Variants in GALNT18 observed in about 807,000 individuals in gnomAD.
GALNT18 encodes polypeptide N-acetylgalactosaminyltransferase 18, also known as GalNAc-transferase 18.
In GALNT18, 44 loss-of-function variants were observed where a neutral mutation model predicts 69.5. That is an observed-to-expected ratio of 0.63 (90% CI 0.50 to 0.81). The LOEUF (loss-of-function observed/expected upper bound fraction) is 0.81, where lower values mean the gene tolerates loss of function less well. GALNT18 is among the 40% of genes least tolerant of loss of function. The probability of loss-of-function intolerance (pLI) is 0.00; values close to 1 mark genes in which losing one functional copy is unlikely to be tolerated. For missense variants in GALNT18, 715 were observed against 810.0 expected, an observed-to-expected ratio of 0.88 and a Z score of 1.42; for synonymous variants, 364 against 318.2, an observed-to-expected ratio of 1.14 and a Z score of -1.53.
rs1185870075 is a variant in GALNT18 at position 11,402,539 on chromosome 11, G to T, written c.596-23275C>A. On this transcript the variant is annotated intron_variant, in intron 3 of 10. Transcript: ENST00000227756. The surrounding 1 kb of genome is among the most constrained non-coding windows in gnomAD (Gnocchi z 4.0). ...AGGTGTCCATAGGCCTCTGCTCAGG[G>T]CATGGAGTTATGTGACACTGAGGAC... Among the ~76,000 whole-genome samples the T allele has an allele frequency of 6.6e-6, 1 of 152,226 alleles. No individual in the cohort carries two copies. Among genetic ancestry groups the T allele is most frequent in the African/African-American group, 2.4e-5 (1 of 41,462 alleles).
At chr11:11,581,350 T>A (rs1859079042) in intron 1 of GALNT18, among the ~76,000 whole-genome samples, 1 of 152,180 alleles carries the variant, frequency 6.6e-6, no homozygotes, top group Admixed American at 6.5e-5. Context: ...ACACAAAGAC[T>A]CTAAACAGAG....
chr11:11,298,857 G>C (rs1849444720), intron 9 of GALNT18, among the ~76,000 whole-genome samples: 1 of 152,198 alleles, frequency 6.6e-6, no homozygotes, highest in Non-Finnish European at 1.5e-5. Context: ...TGTCCAGGAG[G>C]AGGACGTTGC....
At chr11:11,414,937 T>C (rs1166901185) in intron 3 of GALNT18, among the ~76,000 whole-genome samples, 1 of 152,238 alleles carries the variant, frequency 6.6e-6, no homozygotes, top group Non-Finnish European at 1.5e-5. Flanking sequence ...GCCAGCACTG[T>C]AGTTCTCAAC....
At chr11:11,499,908 T>C (rs141042063) in intron 1 of GALNT18, among the ~76,000 whole-genome samples, 31 of 152,306 alleles carry the variant, frequency 2.0e-4, no homozygotes, top group African/African-American at 7.2e-4. Context: ...CAGCTTCAGA[T>C]AGACAAAACC....
intron 1 of GALNT18, among the ~76,000 whole-genome samples, chr11:11,491,465 C>A (rs1856768651): frequency 6.6e-6 from 1 of 152,152 alleles, no homozygotes; most frequent in Non-Finnish European, 1.5e-5. Flanking sequence ...CAATTAAAGC[C>A]TGGGTTTTAA....
intron 10 of GALNT18, among the ~76,000 whole-genome samples, chr11:11,275,046 T>C (rs1188812798): frequency 1.3e-5 from 2 of 152,300 alleles, no homozygotes; most frequent in South Asian, 2.1e-4. Context: ...TTATGATACT[T>C]TGGGTACATA....
chr11:11,483,056 G>C lies in GALNT18; in HGVS notation c.236-34120C>G, dbSNP rs547783888. On this transcript the variant is annotated intron_variant, in intron 1 of 10. Transcript: ENST00000227756. ...GCTCAGATTCACTCCATTTGCTCAG[G>C]ATTCTCCCCTTTAAACCATAAGAAG... Among the ~76,000 whole-genome samples the C allele has an allele frequency of 2.0e-5, 3 of 152,252 alleles. No homozygotes were observed. In the East Asian group the frequency reaches 5.8e-4, roughly 29 times the overall value.
At chr11:11,422,114 G>A (rs75174771) in intron 3 of GALNT18, among the ~76,000 whole-genome samples, 1 of 152,224 alleles carries the variant, frequency 6.6e-6, no homozygotes, top group African/African-American at 2.4e-5. Context: ...CAGGGCCCAG[G>A]CCTGGGGTCA....
At chr11:11,381,569 T>G (rs2133695847) in intron 3 of GALNT18, among the ~76,000 whole-genome samples, 1 of 152,320 alleles carries the variant, frequency 6.6e-6, no homozygotes, top group East Asian at 1.9e-4. Flanking sequence ...CCTCACACAC[T>G]GAGTCTGGGC....
intron 1 of GALNT18, among the ~76,000 whole-genome samples, chr11:11,501,014 C>A (rs767158202): frequency 6.6e-6 from 1 of 152,224 alleles, no homozygotes; most frequent in Non-Finnish European, 1.5e-5. Context: ...TCCAAGGAGG[C>A]TGACTGCAGA....
rs1269002201 is a variant in GALNT18 at position 11,590,159 on chromosome 11, C to T, written c.235+31200G>A. Reference sequence around the variant, plus strand: ...CAGGGAAACCAGGTAGACTACATTTCCCAGCTTCCCTTGCAGTCAGCGGCT... The same window carrying T: ...CAGGGAAACCAGGTAGACTACATTTTCCAGCTTCCCTTGCAGTCAGCGGCT... On this transcript the variant is annotated intron_variant, in intron 1 of 10. Transcript: ENST00000227756. This position sits in a 1 kb window ranked among gnomAD's most constrained non-coding sequence, Gnocchi z 4.4. Among the ~76,000 whole-genome samples, 1 of 152,228 alleles carries T rather than the reference C, an allele frequency of 6.6e-6. No individual in the cohort carries two copies. The highest frequency in any genetic ancestry group is 1.5e-5 in the Non-Finnish European group (1 of 68,040).
chr11:11,418,200 A>G (rs917901932), intron 3 of GALNT18, among the ~76,000 whole-genome samples: 1 of 152,214 alleles, frequency 6.6e-6, no homozygotes, highest in Non-Finnish European at 1.5e-5. Flanking sequence ...CTCATGGGGC[A>G]TACAGCATCG....
At chr11:11,312,486 TG>T (rs1442235622) in intron 9 of GALNT18, among the ~76,000 whole-genome samples, 1 of 152,084 alleles carries the variant, frequency 6.6e-6, no homozygotes, top group Non-Finnish European at 1.5e-5. Context: ...CAAAGAATGG[TG>T]GGTGGAGGGC....
In GALNT18 at chr11:11,511,269, C is replaced by T. The variant is rs578256047; in HGVS notation, c.236-62333G>A. ...ATCTGCTGAAGACTGAAGGGACCGG[C>T]TGTCCAGCTTCACGCAGGGAGGGCT... is the stretch of plus-strand genomic sequence containing the variant. On this transcript the variant is annotated intron_variant, in intron 1 of 10. Transcript: ENST00000227756. This position sits in a 1 kb window ranked among gnomAD's most constrained non-coding sequence, Gnocchi z 4.9. 6.6e-6 allele frequency among the ~76,000 whole-genome samples: 1 copy of T among 152,322 alleles called. No individual in the cohort carries two copies. Among genetic ancestry groups the T allele is most frequent in the Admixed American group, 6.5e-5 (1 of 15,302 alleles).
At chr11:11,334,508 A>T (rs367874230) in intron 7 of GALNT18, among the ~76,000 whole-genome samples, 1 of 151,098 alleles carries the variant, frequency 6.6e-6, no homozygotes, top group East Asian at 1.9e-4. Flanking sequence ...GCACCATTGC[A>T]CTCCAGCCTG....
chr11:11,326,217 T>G (rs1849915392), intron 9 of GALNT18, among the ~76,000 whole-genome samples: 1 of 152,046 alleles, frequency 6.6e-6, no homozygotes, highest in Non-Finnish European at 1.5e-5. Flanking sequence ...GCTAATTTTT[T>G]GTATTTTTAG....
At chr11:11,390,863 G>A (rs760978844) in intron 3 of GALNT18, among the ~76,000 whole-genome samples, 1 of 152,152 alleles carries the variant, frequency 6.6e-6, no homozygotes, top group African/African-American at 2.4e-5. Flanking sequence ...TTAATCCCCA[G>A]CTCTGCCATT....
rs1856207802 is a variant in GALNT18 at position 11,468,721 on chromosome 11, A to C, written c.236-19785T>G. Among the ~76,000 whole-genome samples the C allele has an allele frequency of 2.0e-5, 3 of 152,066 alleles. 1 individual carries two copies. The South Asian group carries it at 6.2e-4, about 32-fold the overall frequency. On this transcript the variant is annotated intron_variant, in intron 1 of 10. Transcript: ENST00000227756. ...GATTCTCGGGTCTGGGGGCTTTTTC[A>C]AACAGGATGCTCGCTAATGCTGGTC...
chr11:11,566,396 T>A (rs1026827210), intron 1 of GALNT18, among the ~76,000 whole-genome samples: 5 of 152,194 alleles, frequency 3.3e-5, no homozygotes, highest in Non-Finnish European at 5.9e-5. Flanking sequence ...ATGAAGAACA[T>A]CCTTGGGACC....
Sources: gnomAD v4.1 joint callset for allele counts (sites outside exome capture counted in the v4.1 genomes callset) on GRCh38, gnomAD v4.1.1 for gene constraint, Gnocchi (gnomAD v3.1) non-coding constraint, MANE v1.5 for transcripts, NCBI Gene and HGNC (gene_info 2026-07-23, HGNC 2026-07-21) for gene names.